TEAD1: variants seen among roughly 807,000 people sequenced by gnomAD.
TEAD1 encodes the protein transcriptional enhancer factor TEF-1.
TEAD1 carries 9 observed loss-of-function variants against 54.9 expected under a neutral mutation model. The ratio of observed to expected loss-of-function variants is 0.16; its 90% confidence interval spans 0.10 to 0.29. The LOEUF is 0.29. Among genes scored for constraint, TEAD1 ranks in the 10% least tolerant of loss-of-function variants. The pLI is 1.00. For missense variants in TEAD1, 387 were observed against 535.9 expected, an observed-to-expected ratio of 0.72 and a Z score of 2.74; for synonymous variants, 200 against 187.8, an observed-to-expected ratio of 1.07 and a Z score of -0.53.
intron 3 of TEAD1, among the ~76,000 whole-genome samples, chr11:12,825,043 G>A (rs1437469019): frequency 3.9e-5 from 6 of 152,008 alleles, no homozygotes; most frequent in African/African-American, 9.7e-5. Flanking sequence ...TTCTAAGTAC[G>A]TTTTTTATTT....
chr11:12,857,513 G>A (rs1947412593), intron 3 of TEAD1, among the ~76,000 whole-genome samples: 1 of 151,774 alleles, frequency 6.6e-6, no homozygotes. Flanking sequence ...CTTAAAGTTA[G>A]CTTTATTGAA....
intron 3 of TEAD1, among the ~76,000 whole-genome samples, chr11:12,810,342 C>T (rs1350109929): frequency 2.0e-5 from 3 of 152,176 alleles, no homozygotes; most frequent in African/African-American, 4.8e-5. Flanking sequence ...AGGGAGCTTG[C>T]GAAGTTGGGA....
intron 2 of TEAD1, among the ~76,000 whole-genome samples, chr11:12,685,469 G>A (rs1384939920): frequency 6.6e-6 from 1 of 152,166 alleles, no homozygotes; most frequent in African/African-American, 2.4e-5. Context: ...ACACAGAACA[G>A]CATCTTGTCA....
intron 9 of TEAD1, among the ~76,000 whole-genome samples, chr11:12,886,993 C>T (rs1018880794): frequency 6.6e-6 from 1 of 151,856 alleles, no homozygotes; most frequent in African/African-American, 2.4e-5. Context: ...TTGTTGGTGT[C>T]GCTTCTGATA....
intron 2 of TEAD1, among the ~76,000 whole-genome samples, chr11:12,734,576 C>A (rs932155430): frequency 6.6e-6 from 1 of 152,220 alleles, no homozygotes; most frequent in Non-Finnish European, 1.5e-5. Context: ...ATGGGAAGTG[C>A]CCTATGCAGG....
intron 4 of TEAD1, among the ~76,000 whole-genome samples, chr11:12,863,821 T>C (rs559177774): frequency 1.3e-5 from 2 of 152,192 alleles, no homozygotes; most frequent in Admixed American, 6.5e-5. Context: ...GTGGAATCAT[T>C]GTGTTTCAGA....
intron 3 of TEAD1, among the ~76,000 whole-genome samples, chr11:12,825,000 CTTAAT>C (rs1298051962): frequency 1.3e-5 from 2 of 152,014 alleles, no homozygotes; most frequent in Non-Finnish European, 2.9e-5. Context: ...TGATTCTGTT[CTTAAT>C]TTAAAACACA....
chr11:12,936,912 TATG>T (rs1227981375), intron 12 of TEAD1, among the ~76,000 whole-genome samples, 194 bp from the exon 13 acceptor site: 3 of 152,218 alleles, frequency 2.0e-5, no homozygotes, highest in African/African-American at 7.2e-5. Context: ...ATTTCTTACT[TATG>T]ATAACCACGT....
intron 2 of TEAD1, among the ~76,000 whole-genome samples, chr11:12,693,671 G>A (rs569053548): frequency 3.3e-5 from 5 of 152,172 alleles, no homozygotes; most frequent in Admixed American, 2.0e-4. Flanking sequence ...TCATTGTTTC[G>A]GTAACCGTTG....
At chr11:12,819,702 C>T (rs576654821) in intron 3 of TEAD1, among the ~76,000 whole-genome samples, 3 of 152,252 alleles carry the variant, frequency 2.0e-5, no homozygotes, top group African/African-American at 4.8e-5. Flanking sequence ...CCGCCCGCCT[C>T]GGTCTCCCAA....
At position 12,840,163 on chromosome 11, in the gene TEAD1, C is replaced by CGT. The variant is rs1310862996; in HGVS notation, c.203-22085_203-22084dup. Among the ~76,000 whole-genome samples the CGT allele has an allele frequency of 9.4e-5, 14 of 148,766 alleles. No individual in the cohort carries two copies. In the East Asian group the frequency reaches 2.8e-3, roughly 30 times the overall value. ...TTGGGAGGCTGAGGCAGAAGAATGG[C>CGT]GTGAACCCGGGAGGCGGAGCTTGCA... is the stretch of plus-strand genomic sequence containing the variant. On this transcript the variant is annotated intron_variant, in intron 3 of 12. Transcript: ENST00000527636.
chr11:12,725,319 ACATT>A (rs774863379), intron 2 of TEAD1, among the ~76,000 whole-genome samples: 8 of 152,204 alleles, frequency 5.3e-5, no homozygotes, highest in Non-Finnish European at 7.3e-5. Flanking sequence ...TTTCTTTATA[ACATT>A]CATTCATTAA....
intron 4 of TEAD1, among the ~76,000 whole-genome samples, chr11:12,863,855 C>G (rs780733930): frequency 6.6e-6 from 1 of 152,134 alleles, no homozygotes; most frequent in Non-Finnish European, 1.5e-5. Flanking sequence ...TACATTTCCA[C>G]GCCCCGGCAT....
chr11:12,788,736 C>G (rs1224945237), intron 3 of TEAD1, among the ~76,000 whole-genome samples: 2 of 152,186 alleles, frequency 1.3e-5, no homozygotes, highest in Non-Finnish European at 2.9e-5. Context: ...TATGGAATTA[C>G]AGGGGTGATC....
chr11:12,876,208 G>A (rs1287628606), intron 5 of TEAD1, among the ~76,000 whole-genome samples: 1 of 152,176 alleles, frequency 6.6e-6, no homozygotes, highest in Non-Finnish European at 1.5e-5. Context: ...CTGAAGCTGT[G>A]TGACATAAAC....
chr11:12,705,401 G>A (rs2133844018), intron 2 of TEAD1, among the ~76,000 whole-genome samples: 1 of 152,212 alleles, frequency 6.6e-6, no homozygotes, highest in East Asian at 1.9e-4. Flanking sequence ...TGCAGAAAGG[G>A]GCCTGGGATG....
intron 2 of TEAD1, among the ~76,000 whole-genome samples, chr11:12,724,289 C>G (rs1944270651): frequency 6.6e-6 from 1 of 152,226 alleles, no homozygotes; most frequent in African/African-American, 2.4e-5. Context: ...GGCAGAATAA[C>G]TGGGTCTATG....
intron 2 of TEAD1, among the ~76,000 whole-genome samples, chr11:12,746,475 T>G (rs961076759): frequency 6.6e-6 from 1 of 152,214 alleles, no homozygotes; most frequent in African/African-American, 2.4e-5. Flanking sequence ...TAAAATAATA[T>G]TTTTAAAAGC....
At chr11:12,889,341 G>A (rs971740257) in intron 9 of TEAD1, among the ~76,000 whole-genome samples, 4 of 152,156 alleles carry the variant, frequency 2.6e-5, no homozygotes, top group African/African-American at 9.7e-5. Context: ...TGGTTTTCCT[G>A]ATAAAGCCTG....
Sources: allele counts gnomAD v4.1 joint callset (sites outside exome capture counted in the v4.1 genomes callset), GRCh38; gene constraint gnomAD v4.1.1; transcripts MANE v1.5; gene names NCBI Gene and HGNC (gene_info 2026-07-23, HGNC 2026-07-21).